Variants in TENM1 observed in about 807,000 individuals in gnomAD.
The protein encoded by TENM1 is teneurin-1.
A neutral mutation model predicts 174.8 loss-of-function variants in TENM1; 35 were observed. The observed-to-expected ratio is 0.20, with a 90% CI of 0.15 to 0.27. The LOEUF is 0.27. Among genes scored for constraint, TENM1 ranks in the 10% least tolerant of loss-of-function variants. The pLI, the probability that TENM1 is intolerant of heterozygous loss-of-function variation, is 1.00. For missense variants in TENM1, 1,633 were observed against 2,130.1 expected (o/e 0.77, Z 4.59); for synonymous variants, 781 against 798.7 (o/e 0.98, Z 0.37).
chrX:124,848,107 T>C (rs1603244275), intron 3 of TENM1, among the ~76,000 whole-genome samples: 1 of 111,099 alleles, frequency 9.0e-6, no homozygotes, highest in Non-Finnish European at 1.9e-5. Flanking sequence ...TTCCCTGCTA[T>C]ATTTTTATAC....
chrX:125,035,413 A>G, the TENM1 span, among the ~76,000 whole-genome samples: 1 of 111,679 alleles, frequency 9.0e-6, no homozygotes, highest in Admixed American at 9.5e-5. Flanking sequence ...CTATTCAGGA[A>G]GTGACTCCAT....
At chrX:124,908,271 G>T (rs2057780450) in intron 1 of TENM1, among the ~76,000 whole-genome samples, 1 of 111,227 alleles carries the variant, frequency 9.0e-6, no homozygotes, top group African/African-American at 3.3e-5. Context: ...CGTCACCTAG[G>T]TTTTAAGCCC....
intron 4 of TENM1, among the ~76,000 whole-genome samples, chrX:124,716,525 C>CA (rs1264040468): frequency 8.9e-6 from 1 of 112,196 alleles, no homozygotes; most frequent in African/African-American, 3.2e-5. Context: ...GGTAAATAGG[C>CA]ATGAGTGGGG....
chrX:124,692,219 G>A (rs2052541749), intron 5 of TENM1, among the ~76,000 whole-genome samples: 2 of 111,383 alleles, frequency 1.8e-5, no homozygotes, highest in Non-Finnish European at 1.9e-5. Context: ...TCCCTTATAA[G>A]TGGGAGCTAA....
intron 1 of TENM1, among the ~76,000 whole-genome samples, chrX:124,918,370 G>A (rs1438751504): frequency 9.1e-6 from 1 of 109,922 alleles, no homozygotes; most frequent in Non-Finnish European, 1.9e-5. Flanking sequence ...AATAGGGATG[G>A]GGTTTCACCA....
the TENM1 span, among the ~76,000 whole-genome samples, chrX:125,111,114 T>G: frequency 2.7e-5 from 3 of 112,517 alleles, no homozygotes; most frequent in African/African-American, 9.7e-5. Context: ...ATAATATATT[T>G]AACAGATTTG....
At chrX:124,989,385 T>G in the TENM1 span, among the ~76,000 whole-genome samples, 1 of 111,511 alleles carries the variant, frequency 9.0e-6, no homozygotes, top group Non-Finnish European at 1.9e-5. Flanking sequence ...AAAAATTAAG[T>G]AAGATCTAGT....
At chrX:124,625,310 T>C (rs981919929) in intron 11 of TENM1, among the ~76,000 whole-genome samples, 10 of 111,507 alleles carry the variant, frequency 9.0e-5, no homozygotes, top group African/African-American at 2.9e-4. Context: ...AGCACATATA[T>C]AGTAAGAGCT....
chrX:124,471,678 T>A (rs1469413739), intron 22 of TENM1, among the ~76,000 whole-genome samples: 2 of 87,440 alleles, frequency 2.3e-5, no homozygotes, highest in Non-Finnish European at 4.2e-5. Context: ...ATATATAATA[T>A]ATACTTATAT....
intron 11 of TENM1, among the ~76,000 whole-genome samples, chrX:124,641,211 G>A (rs2051010763): frequency 9.0e-6 from 1 of 111,594 alleles, no homozygotes; most frequent in African/African-American, 3.3e-5. Context: ...AAGATAGGCT[G>A]GAGAAAGATT....
At chrX:125,202,001 G>T in the TENM1 span, among the ~76,000 whole-genome samples, 5 of 111,249 alleles carry the variant, frequency 4.5e-5, no homozygotes, top group Middle Eastern at 4.7e-3. Flanking sequence ...GCAGATGCTG[G>T]GTAATCATGG....
In TENM1 at chrX:124,684,418, A is replaced by G. The variant is rs780070898; in HGVS notation, c.1016-12583T>C. Among the ~76,000 whole-genome samples, 3 of 112,690 alleles carry G rather than the reference A, an allele frequency of 2.7e-5. No individual in the cohort carries two copies. In the South Asian group the frequency reaches 1.1e-3, roughly 41 times the overall value. On this transcript the variant is annotated intron_variant, in intron 5 of 31. Transcript: ENST00000422452. ...TACACAGCACAGTGTGGAGAGAAAT[A>G]CCTTCCATGTGGCAGAAGAGAGTGA...
the TENM1 span, among the ~76,000 whole-genome samples, chrX:125,113,666 G>A: frequency 9.1e-6 from 1 of 110,091 alleles, no homozygotes; most frequent in African/African-American, 3.3e-5. Flanking sequence ...AAAGACGAAG[G>A]GCATTACATA....
chrX:124,480,898 G>A (rs1404327492), intron 22 of TENM1, among the ~76,000 whole-genome samples: 6 of 111,335 alleles, frequency 5.4e-5, no homozygotes, highest in Non-Finnish European at 1.1e-4. Flanking sequence ...TAATTAAGAT[G>A]ACAGGGTCAA....
At chrX:124,539,209 C>T (rs1267914398) in intron 15 of TENM1, among the ~76,000 whole-genome samples, 1 of 111,739 alleles carries the variant, frequency 8.9e-6, no homozygotes, top group East Asian at 2.8e-4. Context: ...CTGTTAAAAT[C>T]TATTGCATAG....
At chrX:124,863,014 C>T (rs1288285259) in intron 3 of TENM1, among the ~76,000 whole-genome samples, 1 of 108,967 alleles carries the variant, frequency 9.2e-6, no homozygotes, top group African/African-American at 3.3e-5. Context: ...CATTACTGGA[C>T]AAACCCTGGG....
At position 124,530,092 on chromosome X, in the gene TENM1, T is replaced by C; in HGVS notation, c.2652-109A>G. On this transcript the variant is annotated intron_variant, in intron 15 of 31. Coordinates refer to ENST00000422452, the Ensembl canonical transcript of TENM1. ...TCAAGTATAACAAAGAAAACAATAATTTCACCAACCAGTAGAAAACTACTA... is the reference window on the plus strand; with the variant it reads ...TCAAGTATAACAAAGAAAACAATAACTTCACCAACCAGTAGAAAACTACTA... 11 of 910,332 alleles carry C rather than the reference T, an allele frequency of 1.2e-5. No homozygotes were observed. In the South Asian group the frequency reaches 2.7e-4, roughly 22 times the overall value. The allele number at this position is 910,332 out of a possible 1,213,427, so 75.0% of individuals were successfully genotyped here. A position where few individuals can be genotyped will look rare whatever the true frequency, so the allele number is the denominator to read the frequency against.
the TENM1 span, among the ~76,000 whole-genome samples, chrX:125,021,603 A>G: frequency 9.0e-6 from 1 of 111,403 alleles, no homozygotes; most frequent in South Asian, 3.7e-4. Flanking sequence ...TTTTCTGTGA[A>G]GAGCCACAGA....
At chrX:124,888,041 C>G (rs1237969592) in intron 3 of TENM1, among the ~76,000 whole-genome samples, 2 of 111,804 alleles carry the variant, frequency 1.8e-5, no homozygotes, top group Non-Finnish European at 3.8e-5. Flanking sequence ...GAAGAAATAA[C>G]TCATCATTTG....
Sources: allele counts gnomAD v4.1 joint callset (sites outside exome capture counted in the v4.1 genomes callset), GRCh38; gene constraint gnomAD v4.1.1; transcripts MANE v1.5; gene names NCBI Gene and HGNC (gene_info 2026-07-23, HGNC 2026-07-21).